NRG1: variants seen among roughly 807,000 people sequenced by gnomAD.
The protein encoded by NRG1 is pro-neuregulin-1, membrane-bound isoform.
NRG1 carries 18 observed loss-of-function variants against 63.8 expected under a neutral mutation model. That is an observed-to-expected ratio of 0.28 (90% CI 0.19 to 0.42). The LOEUF is 0.42. Among genes scored for constraint, NRG1 ranks in the 10% least tolerant of loss-of-function variants. The pLI is 1.00. For missense variants in NRG1, 762 were observed against 814.7 expected (o/e 0.94, Z 0.79); for synonymous variants, 302 against 301.3 (o/e 1.00, Z -0.02).
At chr8:32,239,374 A>C (rs1028281591) in intron 1 of NRG1, among the ~76,000 whole-genome samples, 43 of 152,236 alleles carry the variant, frequency 2.8e-4, no homozygotes, top group African/African-American at 9.9e-4. Context: ...AAATTAACTC[A>C]AAATTGATTA....
chr8:32,070,748 A>G (rs1371686340), intron 1 of NRG1, among the ~76,000 whole-genome samples: 3 of 152,234 alleles, frequency 2.0e-5, no homozygotes, highest in African/African-American at 7.2e-5. Context: ...CTGCAAAGGC[A>G]GCAGAGTGTA....
chr8:32,330,904 T>G (rs556131362), intron 1 of NRG1, among the ~76,000 whole-genome samples: 155 of 152,302 alleles, frequency 1.0e-3, no homozygotes, highest in Admixed American at 4.1e-3. Flanking sequence ...ATTTATTCTC[T>G]TCTGATTATA....
At chr8:32,481,357 T>TAAACAAAC (rs3031218) in intron 1 of NRG1, among the ~76,000 whole-genome samples, 2 of 151,038 alleles carry the variant, frequency 1.3e-5, no homozygotes, top group Non-Finnish European at 2.9e-5. Flanking sequence ...AATAAATAAA[T>TAAACAAAC]AAACAAACAA....
At chr8:32,736,619 G>T (rs1272159737) in intron 6 of NRG1, among the ~76,000 whole-genome samples, 1 of 152,130 alleles carries the variant, frequency 6.6e-6, no homozygotes, top group Non-Finnish European at 1.5e-5. Context: ...AGATAATAGG[G>T]ACTTTTCATT....
intron 1 of NRG1, among the ~76,000 whole-genome samples, chr8:31,904,295 A>G (rs76182047): frequency 0.021 from 3,197 of 152,270 alleles, 102 homozygotes; most frequent in South Asian, 0.13. Context: ...TAAGAGATTG[A>G]GAGTTAGAGA....
intron 1 of NRG1, among the ~76,000 whole-genome samples, chr8:32,184,130 T>C (rs1841727677): frequency 1.3e-5 from 2 of 151,864 alleles, no homozygotes; most frequent in Admixed American, 1.3e-4. Context: ...TAAATATATA[T>C]GATATATATA....
At chr8:31,865,000 C>T (rs1429631219) in intron 1 of NRG1, among the ~76,000 whole-genome samples, 1 of 152,176 alleles carries the variant, frequency 6.6e-6, no homozygotes, top group African/African-American at 2.4e-5. Flanking sequence ...TTTACCTATA[C>T]TTCTAGCATG....
chr8:32,514,382 T>C (rs1422492097), intron 1 of NRG1, among the ~76,000 whole-genome samples: 1 of 152,188 alleles, frequency 6.6e-6, no homozygotes, highest in African/African-American at 2.4e-5. Flanking sequence ...TGTGTCGTAT[T>C]ATTTGATCTT....
At chr8:32,238,532 G>A (rs1847806111) in intron 1 of NRG1, among the ~76,000 whole-genome samples, 1 of 151,932 alleles carries the variant, frequency 6.6e-6, no homozygotes, top group Non-Finnish European at 1.5e-5. Flanking sequence ...TCAAGGTCAA[G>A]TATTAAGACT....
In NRG1 at chr8:32,614,565, G is replaced by A; in HGVS notation, c.451+1G>A. 2 of 1,611,702 alleles carry A rather than the reference G, an allele frequency of 1.2e-6. No individual in the cohort carries two copies. The highest frequency in any genetic ancestry group is 1.7e-6 in the Non-Finnish European group (2 of 1,178,392). ...ACTGAAGGAGCATATGTGTCTTCAG[G>A]TAAGGAAAATAAGCCTGGCAAATTT... On this transcript the variant is annotated splice_donor_variant, in intron 4 of 11. Coordinates refer to ENST00000356819, the Ensembl canonical transcript of NRG1. LOFTEE classifies it high-confidence loss of function.
chr8:31,843,118 G>GAA (rs71208146), intron 1 of NRG1, among the ~76,000 whole-genome samples: 18 of 148,146 alleles, frequency 1.2e-4, no homozygotes, highest in East Asian at 9.9e-4. Context: ...TTGCCATAAA[G>GAA]AAAAAAAAAA....
chr8:31,857,465 T>C (rs1486421010), intron 1 of NRG1, among the ~76,000 whole-genome samples: 2 of 152,238 alleles, frequency 1.3e-5, no homozygotes, highest in African/African-American at 4.8e-5. Flanking sequence ...CTCGCCCTGC[T>C]TTGGCTCGCG....
chr8:31,863,398 G>C (rs1355092427), intron 1 of NRG1, among the ~76,000 whole-genome samples: 1 of 152,140 alleles, frequency 6.6e-6, no homozygotes, highest in Non-Finnish European at 1.5e-5. Context: ...ATCTAAAACT[G>C]TTTTGTTTAA....
intron 1 of NRG1, among the ~76,000 whole-genome samples, chr8:31,686,051 T>C (rs1808858487): frequency 6.6e-6 from 1 of 152,176 alleles, no homozygotes; most frequent in Admixed American, 6.5e-5. Flanking sequence ...TAATACTTGA[T>C]GGTAACTATA....
intron 1 of NRG1, among the ~76,000 whole-genome samples, chr8:32,561,862 G>A (rs529911878): frequency 1.3e-5 from 2 of 151,714 alleles, no homozygotes; most frequent in Non-Finnish European, 2.9e-5. Flanking sequence ...GGGGGGTGGG[G>A]GGTGGAGGAG....
At position 31,868,146 on chromosome 8, in the gene NRG1, T is replaced by TCA. The variant is rs755924161; in HGVS notation, c.37+228715_37+228716insCA. Among the ~76,000 whole-genome samples, 125 of 115,872 alleles carry TCA rather than the reference T, an allele frequency of 1.1e-3. 1 individual carries two copies. The South Asian group carries it at 0.012, about 11-fold the overall frequency. The allele number at this position is 115,872 out of a possible 152,430, so 76.0% of individuals were successfully genotyped here. A position where few individuals can be genotyped will look rare whatever the true frequency, so the allele number is the denominator to read the frequency against. On this transcript the variant is annotated intron_variant, in intron 1 of 10. Transcript: ENST00000519301. ...AAACACACACACACACACATACATC[T>TCA]TACACACACACACACACACACACAC...
rs573597134 is a variant in NRG1 at position 32,642,738 on chromosome 8, C to T, written c.502+25853C>T. ...AAGTAAATTCTACTCTTTTGCCAGC[C>T]GTAAAATTTAGGAGCAAGAATAAAC... On this transcript the variant is annotated intron_variant, in intron 5 of 11. Transcript: ENST00000356819. Among the ~76,000 whole-genome samples the T allele has an allele frequency of 3.9e-5, 6 of 152,038 alleles. No individual in the cohort carries two copies. In the South Asian group the frequency reaches 6.2e-4, roughly 16 times the overall value.
intron 1 of NRG1, among the ~76,000 whole-genome samples, chr8:32,580,419 A>T (rs542312224): frequency 6.6e-6 from 1 of 152,282 alleles, no homozygotes; most frequent in Non-Finnish European, 1.5e-5. Context: ...AAATGCTAAA[A>T]TTTTCTGAGA....
At chr8:32,403,583 A>C (rs1396747721) in intron 1 of NRG1, among the ~76,000 whole-genome samples, 1 of 152,318 alleles carries the variant, frequency 6.6e-6, no homozygotes, top group South Asian at 2.1e-4. Flanking sequence ...TAAATAGAGT[A>C]TCTGAATCCC....
Sources: allele counts gnomAD v4.1 joint callset (sites outside exome capture counted in the v4.1 genomes callset), GRCh38; gene constraint gnomAD v4.1.1; transcripts MANE v1.5; gene names NCBI Gene and HGNC (gene_info 2026-07-23, HGNC 2026-07-21).